Variants in HTR7 observed in about 807,000 individuals in gnomAD.
HTR7 encodes the protein 5-HT-7.
HTR7 carries 16 observed loss-of-function variants against 34.0 expected under a neutral mutation model. The observed-to-expected ratio is 0.47, with a 90% CI of 0.32 to 0.71. The LOEUF (loss-of-function observed/expected upper bound fraction) is 0.71. HTR7 is among the 30% of genes least tolerant of loss of function. The pLI is 0.04. For synonymous variants in HTR7, 265 were observed against 260.2 expected (o/e 1.02, Z -0.18); for missense variants, 504 against 625.5 (o/e 0.81, Z 2.07).
rs1846621138 is a variant in HTR7, at chr10:90,857,858, T to A, written c.-187A>T. 6.6e-6 allele frequency among the ~76,000 whole-genome samples: 1 copy of A among 151,214 alleles called. No individual in the cohort carries two copies. The highest frequency in any genetic ancestry group is 1.5e-5 in the Non-Finnish European group (1 of 67,692). ...TCCCCGGACCCCCGGCCGCTGCGGG[T>A]AACGCGGCAGCGCGGCCTCACGGGG... On this transcript the variant is annotated 5_prime_UTR_variant, in exon 1 of 4. Transcript: ENST00000336152. This position sits in a 1 kb window ranked among gnomAD's most constrained non-coding sequence, Gnocchi z 6.5.
chr10:90,855,226 A>G (rs1325786794), intron 1 of HTR7, among the ~76,000 whole-genome samples: 1 of 152,252 alleles, frequency 6.6e-6, no homozygotes. Flanking sequence ...GTTAACAACA[A>G]AATCTTAAGC....
At chr10:90,764,334 G>A (rs753039933) in intron 1 of HTR7, among the ~76,000 whole-genome samples, 15 of 152,016 alleles carry the variant, frequency 9.9e-5, no homozygotes, top group Non-Finnish European at 1.8e-4. Flanking sequence ...ATTTGTTTAA[G>A]TTCCTTGTAG....
chr10:90,835,868 G>A (rs1225902635), intron 1 of HTR7, among the ~76,000 whole-genome samples: 1 of 152,018 alleles, frequency 6.6e-6, no homozygotes, highest in East Asian at 1.9e-4. Context: ...AGAATGTTTA[G>A]GAAATAGGCA....
At chr10:90,813,821 G>A (rs937256927) in intron 1 of HTR7, among the ~76,000 whole-genome samples, 4 of 152,170 alleles carry the variant, frequency 2.6e-5, no homozygotes, top group African/African-American at 4.8e-5. Flanking sequence ...GCCAGGCAAA[G>A]ACTCCATTTG....
chr10:90,746,707 A>G (rs1057019652), intron 2 of HTR7, among the ~76,000 whole-genome samples: 5 of 152,180 alleles, frequency 3.3e-5, no homozygotes, highest in African/African-American at 1.2e-4. Context: ...CTCACTTCAC[A>G]GCCCTCATCT....
Position 90,819,601 on chromosome 10 carries a change from C to A in HTR7, c.539+37532G>T, listed in dbSNP as rs187663260. ...GAAGGCTTTGCCTGATAGTTGGTTT[C>A]TATTTCTGGGGCCAACTCACTTCTA... On this transcript the variant is annotated intron_variant, in intron 1 of 3. Coordinates refer to ENST00000336152, the MANE Select transcript of HTR7 (RefSeq NM_019859.4). 2.2e-3 allele frequency among the ~76,000 whole-genome samples: 330 copies of A among 152,250 alleles called. 3 individuals carry two copies. The Middle Eastern group carries it at 0.027, about 13-fold the overall frequency.
chr10:90,812,584 C>A (rs562381995), intron 1 of HTR7, among the ~76,000 whole-genome samples: 1 of 152,280 alleles, frequency 6.6e-6, no homozygotes. Context: ...TTCTATACAA[C>A]AAATGTTTCT....
At chr10:90,782,318 A>T (rs1272268088) in intron 1 of HTR7, among the ~76,000 whole-genome samples, 1 of 152,198 alleles carries the variant, frequency 6.6e-6, no homozygotes, top group Non-Finnish European at 1.5e-5. Context: ...AGGCTTAATT[A>T]TCGCACTTGT....
intron 1 of HTR7, among the ~76,000 whole-genome samples, chr10:90,826,727 G>T (rs1383970283): frequency 1.1e-4 from 17 of 151,788 alleles, no homozygotes; most frequent in Admixed American, 1.1e-3. Context: ...CACGAGCTCA[G>T]GAGATCGAGA....
chr10:90,825,140 T>C (rs1846049513), intron 1 of HTR7, among the ~76,000 whole-genome samples: 1 of 152,190 alleles, frequency 6.6e-6, no homozygotes, highest in African/African-American at 2.4e-5. Context: ...GCTCCATTTG[T>C]TTAGGAGAAA....
At chr10:90,852,179 C>T (rs924496687) in intron 1 of HTR7, among the ~76,000 whole-genome samples, 8 of 143,004 alleles carry the variant, frequency 5.6e-5, no homozygotes, top group Non-Finnish European at 1.0e-4. Context: ...GGCAACATAG[C>T]GAGACTGTCT....
chr10:90,845,244 T>C (rs1483892773), intron 1 of HTR7, among the ~76,000 whole-genome samples: 1 of 152,222 alleles, frequency 6.6e-6, no homozygotes, highest in Non-Finnish European at 1.5e-5. Flanking sequence ...ATTTCTGTTC[T>C]GATGTAGTGT....
intron 1 of HTR7, among the ~76,000 whole-genome samples, chr10:90,764,116 A>C (rs1844981274): frequency 6.6e-6 from 1 of 152,170 alleles, no homozygotes; most frequent in Non-Finnish European, 1.5e-5. Context: ...GCTCACCAGA[A>C]TCTATTGTTT....
At chr10:90,807,781 T>C (rs1759541814) in intron 1 of HTR7, among the ~76,000 whole-genome samples, 2 of 152,106 alleles carry the variant, frequency 1.3e-5, no homozygotes, top group Admixed American at 6.5e-5. Flanking sequence ...CCTTGGGAGA[T>C]CAATCCCCTG....
chr10:90,773,306 A>G (rs1338351832), intron 1 of HTR7, among the ~76,000 whole-genome samples: 8 of 152,186 alleles, frequency 5.3e-5, no homozygotes, highest in African/African-American at 1.7e-4. Flanking sequence ...ATTTTCCTCT[A>G]TAGGTGTCAT....
At chr10:90,775,423 T>G (rs1845191199) in intron 1 of HTR7, among the ~76,000 whole-genome samples, 1 of 152,098 alleles carries the variant, frequency 6.6e-6, no homozygotes. Context: ...GTGAAGATGT[T>G]GAGGAAGAGA....
intron 1 of HTR7, among the ~76,000 whole-genome samples, chr10:90,812,100 T>G (rs969158698): frequency 6.6e-6 from 1 of 152,132 alleles, no homozygotes; most frequent in African/African-American, 2.4e-5. Flanking sequence ...TTTACCACTT[T>G]CCCTTCTCAG....
chr10:90,854,499 A>G (rs1426537237), intron 1 of HTR7, among the ~76,000 whole-genome samples: 1 of 152,234 alleles, frequency 6.6e-6, no homozygotes, highest in Non-Finnish European at 1.5e-5. Context: ...CTGGCTCACA[A>G]TGTCTTTTTG....
intron 1 of HTR7, among the ~76,000 whole-genome samples, chr10:90,811,523 C>T (rs974760345): frequency 2.0e-5 from 3 of 152,068 alleles, no homozygotes; most frequent in Non-Finnish European, 2.9e-5. Flanking sequence ...AATCGCCACA[C>T]ACCAGCAAAG....
Sources: allele counts gnomAD v4.1 joint callset (sites outside exome capture counted in the v4.1 genomes callset), GRCh38; gene constraint gnomAD v4.1.1; non-coding constraint Gnocchi (gnomAD v3.1); transcripts MANE v1.5; gene names NCBI Gene and HGNC (gene_info 2026-07-23, HGNC 2026-07-21).